Variants in INPP5A observed in about 807,000 individuals in gnomAD.
INPP5A encodes the protein inositol polyphosphate-5-phosphatase A.
In INPP5A, 14 loss-of-function variants were observed where a neutral mutation model predicts 65.2. That is an observed-to-expected ratio of 0.21 (90% CI 0.14 to 0.34). The LOEUF is 0.34. INPP5A is among the 10% of genes least tolerant of loss of function. The pLI is 1.00. For synonymous variants in INPP5A, 207 were observed against 208.3 expected, an observed-to-expected ratio of 0.99 and a Z score of 0.05; for missense variants, 431 against 545.6, an observed-to-expected ratio of 0.79 and a Z score of 2.09.
intron 1 of INPP5A, among the ~76,000 whole-genome samples, chr10:132,568,273 G>T (rs371597479): frequency 3.4e-4 from 51 of 151,888 alleles, no homozygotes; most frequent in African/African-American, 1.2e-3. Flanking sequence ...TGGAGGACCC[G>T]GCTAAGGGTT....
intron 4 of INPP5A, among the ~76,000 whole-genome samples, chr10:132,673,922 C>T (rs867655064): frequency 2.0e-5 from 3 of 152,178 alleles, no homozygotes; most frequent in Non-Finnish European, 4.4e-5. Context: ...CAGCAGTGGC[C>T]GTAGCCAGAT....
intron 1 of INPP5A, among the ~76,000 whole-genome samples, chr10:132,554,565 G>A (rs2071100023): frequency 6.6e-6 from 1 of 152,070 alleles, no homozygotes; most frequent in Non-Finnish European, 1.5e-5. Flanking sequence ...TGTGGGTTGT[G>A]GTTGGCGTGG....
intron 8 of INPP5A, among the ~76,000 whole-genome samples, chr10:132,712,617 T>G (rs553016090): frequency 8.3e-4 from 117 of 141,610 alleles, no homozygotes; most frequent in African/African-American, 3.6e-3. Flanking sequence ...TGTGGGTGCA[T>G]GTGTGTGTGG....
At chr10:132,617,426 TC>T (rs1413792424) in intron 2 of INPP5A, among the ~76,000 whole-genome samples, 1 of 152,160 alleles carries the variant, frequency 6.6e-6, no homozygotes, top group Non-Finnish European at 1.5e-5. Flanking sequence ...GTGGGCATGC[TC>T]ACACTCACAC....
chr10:132,737,635 G>A (rs968549212), intron 9 of INPP5A, among the ~76,000 whole-genome samples: 4 of 152,206 alleles, frequency 2.6e-5, no homozygotes, highest in East Asian at 3.9e-4. Flanking sequence ...CCACAGGGAC[G>A]CCCTTCCCTG....
At chr10:132,755,796 G>T (rs745549083) in intron 11 of INPP5A, among the ~76,000 whole-genome samples, 1 of 152,154 alleles carries the variant, frequency 6.6e-6, no homozygotes, top group East Asian at 1.9e-4. Flanking sequence ...GACCCCAGAG[G>T]AGGCTCCAGG....
intron 5 of INPP5A, 60 bp downstream of exon 5, chr10:132,690,515 GCTTCC>G: frequency 2.3e-6 from 3 of 1,292,402 alleles, no homozygotes; most frequent in Non-Finnish European, 3.4e-6. Context: ...CTGGTGTCTG[GCTTCC>G]CCAGACCTCT....
rs1241684561 is a variant in INPP5A, at chr10:132,627,099, G to T, written c.118-18769G>T. On this transcript the variant is annotated intron_variant, in intron 2 of 15. Coordinates refer to ENST00000368594, the MANE Select transcript of INPP5A (RefSeq NM_005539.5). The surrounding 1 kb of genome is among the most constrained non-coding windows in gnomAD (Gnocchi z 6.6). ...CTTACAAGAAGGGACACGGGATCAG[G>T]CTCTCTCCACAGGGCGCAGAGGCAG... Among the ~76,000 whole-genome samples, 1 of 151,990 alleles carries T rather than the reference G, an allele frequency of 6.6e-6. No homozygotes were observed. Among genetic ancestry groups the T allele is most frequent in the East Asian group, 1.9e-4 (1 of 5,194 alleles).
intron 6 of INPP5A, 73 bp from the exon 7 acceptor site, chr10:132,708,240 T>C: frequency 3.0e-6 from 4 of 1,325,122 alleles, no homozygotes; most frequent in South Asian, 1.2e-5. Flanking sequence ...CTGTGTCCTT[T>C]AGGTGTGTGG....
intron 8 of INPP5A, among the ~76,000 whole-genome samples, chr10:132,713,170 G>A (rs975819124): frequency 6.6e-6 from 1 of 151,982 alleles, no homozygotes; most frequent in African/African-American, 2.4e-5. Context: ...GTGCGGGTGT[G>A]TGTGCATTTG....
In INPP5A at chr10:132,762,847, G is replaced by T. The variant is rs940360485; in HGVS notation, c.904-2926G>T. Among the ~76,000 whole-genome samples, 2 of 152,170 alleles carry T rather than the reference G, an allele frequency of 1.3e-5. No individual in the cohort carries two copies. The highest frequency in any genetic ancestry group is 2.9e-5 in the Non-Finnish European group (2 of 68,046). ...CTCTACAAAAAATAAAGACTTAGCA[G>T]GAGTGGTGGCACACGCCTGTAATTC... is the stretch of plus-strand genomic sequence containing the variant. On this transcript the variant is annotated intron_variant, in intron 11 of 15. Coordinates refer to ENST00000368594, the MANE Select transcript of INPP5A (RefSeq NM_005539.5). This position sits in a 1 kb window ranked among gnomAD's most constrained non-coding sequence, Gnocchi z 4.6.
intron 11 of INPP5A, among the ~76,000 whole-genome samples, 186 bp from the exon 12 acceptor site, chr10:132,765,587 C>T (rs936510833): frequency 6.6e-6 from 1 of 152,234 alleles, no homozygotes; most frequent in Non-Finnish European, 1.5e-5. Context: ...GTCCCACTGT[C>T]TGCAGCAGAG....
At chr10:132,617,672 C>T (rs1025611937) in intron 2 of INPP5A, among the ~76,000 whole-genome samples, 3 of 152,234 alleles carry the variant, frequency 2.0e-5, no homozygotes, top group African/African-American at 4.8e-5. Context: ...ATTGCTTCAC[C>T]GAGCACCTGA....
chr10:132,764,529 C>T (rs1467513092), intron 11 of INPP5A, among the ~76,000 whole-genome samples: 5 of 130,682 alleles, frequency 3.8e-5, no homozygotes, highest in South Asian at 2.5e-4. Context: ...GGAACACGGT[C>T]GGGCCAGTCC....
chr10:132,741,955 C>T lies in INPP5A; in HGVS notation c.733-7562C>T, dbSNP rs1846280937. Among the ~76,000 whole-genome samples the T allele has an allele frequency of 6.6e-6, 1 of 152,194 alleles. No homozygotes were observed. Among genetic ancestry groups the T allele is most frequent in the Non-Finnish European group, 1.5e-5 (1 of 68,036 alleles). ...GATGCATACTTACAGAGAAGGCGCT[C>T]ACTCCTGAGGGAGAGCAAAGGCCAG... On this transcript the variant is annotated intron_variant, in intron 9 of 15. Coordinates refer to ENST00000368594, the MANE Select transcript of INPP5A (RefSeq NM_005539.5). The surrounding 1 kb of genome is among the most constrained non-coding windows in gnomAD (Gnocchi z 4.4).
intron 9 of INPP5A, among the ~76,000 whole-genome samples, chr10:132,743,077 G>A (rs1846302809): frequency 6.6e-6 from 1 of 152,206 alleles, no homozygotes; most frequent in Non-Finnish European, 1.5e-5. Flanking sequence ...TCAGGAGCAG[G>A]GTCACGTTGA....
chr10:132,638,787 C>T (rs2072390419), intron 2 of INPP5A, among the ~76,000 whole-genome samples: 1 of 152,078 alleles, frequency 6.6e-6, no homozygotes, highest in South Asian at 2.1e-4. Context: ...AGGCTGGTCT[C>T]GAACTTCTGA....
chr10:132,565,671 G>A (rs995408285), intron 1 of INPP5A, among the ~76,000 whole-genome samples: 1 of 151,990 alleles, frequency 6.6e-6, no homozygotes, highest in Non-Finnish European at 1.5e-5. Context: ...GGGTCTATGT[G>A]TGGGTGTGTT....
chr10:132,756,259 G>A (rs754410793), intron 11 of INPP5A, among the ~76,000 whole-genome samples: 4 of 151,908 alleles, frequency 2.6e-5, no homozygotes, highest in Admixed American at 6.6e-5. Flanking sequence ...GTGCACTCAC[G>A]TGTGTGGTGT....
Sources: allele counts gnomAD v4.1 joint callset (sites outside exome capture counted in the v4.1 genomes callset), GRCh38; gene constraint gnomAD v4.1.1; non-coding constraint Gnocchi (gnomAD v3.1); transcripts MANE v1.5; gene names NCBI Gene and HGNC (gene_info 2026-07-23, HGNC 2026-07-21).